RYR2: variants seen among roughly 807,000 people sequenced by gnomAD.
RYR2 encodes ryanodine receptor 2.
A neutral mutation model predicts 601.1 loss-of-function variants in RYR2; 227 were observed. That is an observed-to-expected ratio of 0.38 (90% CI 0.34 to 0.42). The LOEUF (loss-of-function observed/expected upper bound fraction) is 0.42. RYR2 is among the 10% of genes least tolerant of loss of function. The probability of loss-of-function intolerance (pLI) is 1.00; values close to 1 mark genes in which losing one functional copy is unlikely to be tolerated. For missense variants in RYR2, 4,646 were observed against 6,156.5 expected (o/e 0.75, Z 8.21); for synonymous variants, 2,223 against 2,175.1 (o/e 1.02, Z -0.61).
chr1:237,656,191 G>T (rs1683225990), intron 53 of RYR2, among the ~76,000 whole-genome samples: 1 of 151,902 alleles, frequency 6.6e-6, no homozygotes, highest in Non-Finnish European at 1.5e-5. Flanking sequence ...TACCTTCTAG[G>T]ATACTCTTAA....
At chr1:237,608,886 T>C (rs1677468423) in intron 35 of RYR2, among the ~76,000 whole-genome samples, 1 of 150,602 alleles carries the variant, frequency 6.6e-6, no homozygotes, top group Non-Finnish European at 1.5e-5. Flanking sequence ...ATCTATTGAC[T>C]ATTGACTTCT....
intron 1 of RYR2, among the ~76,000 whole-genome samples, chr1:237,212,207 AC>A (rs1459893901): frequency 6.6e-6 from 1 of 151,992 alleles, no homozygotes; most frequent in African/African-American, 2.4e-5. Flanking sequence ...AGACATAATT[AC>A]CCCCATGCTT....
chr1:237,226,249 G>A (rs539028205), intron 1 of RYR2, among the ~76,000 whole-genome samples: 38 of 152,232 alleles, frequency 2.5e-4, no homozygotes, highest in African/African-American at 8.2e-4. Context: ...GAGTTCATGC[G>A]AAATTGCTGC....
At chr1:237,422,266 A>G (rs1705674843) in intron 11 of RYR2, among the ~76,000 whole-genome samples, 1 of 152,224 alleles carries the variant, frequency 6.6e-6, no homozygotes, top group Non-Finnish European at 1.5e-5. Context: ...ATAATCGTAC[A>G]TACTTATGGG....
At position 237,273,869 on chromosome 1, in the gene RYR2, G is replaced by A. The variant is rs1689961178; in HGVS notation, c.168+3253G>A. 2.0e-5 allele frequency among the ~76,000 whole-genome samples: 3 copies of A among 147,142 alleles called. No individual in the cohort carries two copies. In the South Asian group the frequency reaches 6.3e-4, roughly 31 times the overall value. ...TATATTTATATATTGTATATTTTAT[G>A]AACATATGTATATTATAAATGATAT... On this transcript the variant is annotated intron_variant, in intron 2 of 104. Transcript: ENST00000366574.
rs1052508240 is a variant in RYR2, at chr1:237,112,916, A to G, written c.48+70347A>G. Among the ~76,000 whole-genome samples, 9 of 152,070 alleles carry G rather than the reference A, an allele frequency of 5.9e-5. No individual in the cohort carries two copies. The East Asian group carries it at 1.7e-3, about 29-fold the overall frequency. On this transcript the variant is annotated intron_variant, in intron 1 of 104. Transcript: ENST00000366574. Reference sequence around the variant, plus strand: ...CTCGGTTGTTTGCTTTTTTATCCCTAAGTGCCCTACCTTGCAGAGCCCTGG... The same window carrying G: ...CTCGGTTGTTTGCTTTTTTATCCCTGAGTGCCCTACCTTGCAGAGCCCTGG...
At chr1:237,170,151 G>T (rs1410261468) in intron 1 of RYR2, among the ~76,000 whole-genome samples, 1 of 152,244 alleles carries the variant, frequency 6.6e-6, no homozygotes, top group Non-Finnish European at 1.5e-5. Context: ...GTAATAGGAA[G>T]AGAGCAACAT....
chr1:237,077,366 G>A (rs1217835562), intron 1 of RYR2, among the ~76,000 whole-genome samples: 1 of 122,340 alleles, frequency 8.2e-6, no homozygotes, highest in Non-Finnish European at 1.8e-5. Context: ...TCAGTGTGCT[G>A]TATTCAGGAA....
At chr1:237,181,654 G>A (rs1175348525) in intron 1 of RYR2, among the ~76,000 whole-genome samples, 1 of 152,224 alleles carries the variant, frequency 6.6e-6, no homozygotes, top group Non-Finnish European at 1.5e-5. Context: ...CATAGGACAC[G>A]AAACCCATCA....
chr1:237,262,245 G>T (rs985615471), intron 1 of RYR2, among the ~76,000 whole-genome samples: 58 of 61,092 alleles, frequency 9.5e-4, no homozygotes, highest in South Asian at 4.5e-3. Flanking sequence ...GTTCTAAAGA[G>T]TTTTTTTTTT....
chr1:237,387,906 C>T (rs991678782), intron 9 of RYR2, among the ~76,000 whole-genome samples, 181 bp from the exon 10 acceptor site: 2 of 150,940 alleles, frequency 1.3e-5, no homozygotes, highest in African/African-American at 2.4e-5. Context: ...CTGTGGGACT[C>T]GGGCACCCAG....
chr1:237,793,152 C>T (rs1036759425), intron 94 of RYR2, among the ~76,000 whole-genome samples: 7 of 152,066 alleles, frequency 4.6e-5, no homozygotes, highest in South Asian at 2.1e-4. Context: ...TTGCAGAAGA[C>T]GTGTGAAAAA....
intron 1 of RYR2, among the ~76,000 whole-genome samples, chr1:237,175,593 C>T (rs534868649): frequency 6.6e-6 from 1 of 152,178 alleles, no homozygotes; most frequent in South Asian, 2.1e-4. Flanking sequence ...ATAACTGAAC[C>T]ATTGATGTGA....
At chr1:237,177,201 C>T (rs1269542502) in intron 1 of RYR2, among the ~76,000 whole-genome samples, 1 of 152,180 alleles carries the variant, frequency 6.6e-6, no homozygotes, top group East Asian at 1.9e-4. Context: ...ACTACACGAT[C>T]AAGTCAACTG....
chr1:237,626,256 A>G (rs1679632662), intron 40 of RYR2, among the ~76,000 whole-genome samples: 1 of 152,114 alleles, frequency 6.6e-6, no homozygotes, highest in South Asian at 2.1e-4. Flanking sequence ...ATCCTATTTC[A>G]GAATAATAAG....
At chr1:237,799,791 TTAAA>T (rs1404629923) in intron 97 of RYR2, among the ~76,000 whole-genome samples, 1 of 152,144 alleles carries the variant, frequency 6.6e-6, no homozygotes, top group Non-Finnish European at 1.5e-5. Context: ...ATGTGCACCT[TTAAA>T]TAAGTGGCCA....
chr1:237,650,460 TAGAAG>T (rs1329618655), intron 50 of RYR2, among the ~76,000 whole-genome samples: 4 of 152,338 alleles, frequency 2.6e-5, no homozygotes, highest in Non-Finnish European at 5.9e-5. Flanking sequence ...ACTCATCTTC[TAGAAG>T]AGAAAAGAAA....
In RYR2 at chr1:237,480,378, CAA is replaced by C. The variant is rs61271895; in HGVS notation, c.1708+11212_1708+11213del. 4.7e-3 allele frequency among the ~76,000 whole-genome samples: 272 copies of C among 57,672 alleles called. 1 individual carries two copies. The highest frequency in any genetic ancestry group is 0.012 in the African/African-American group (238 of 19,780). 37.8% of individuals were successfully genotyped at this position (57,672 alleles called of 152,430 possible). ...AGGCTGTAGTGAACCAAGATCATCT[CAA>C]AAAAAAAAAAAAAAAAAAAAGAATA... On this transcript the variant is annotated intron_variant, in intron 17 of 104. Coordinates refer to ENST00000366574, the MANE Select transcript of RYR2 (RefSeq NM_001035.3).
intron 20 of RYR2, among the ~76,000 whole-genome samples, chr1:237,497,209 T>C (rs1222350754): frequency 1.3e-5 from 2 of 152,152 alleles, no homozygotes; most frequent in Non-Finnish European, 2.9e-5. Context: ...TGTTAGATAA[T>C]GTAATGGTGG....
Sources: gnomAD v4.1 joint callset for allele counts (sites outside exome capture counted in the v4.1 genomes callset) on GRCh38, gnomAD v4.1.1 for gene constraint, MANE v1.5 for transcripts, NCBI Gene and HGNC (gene_info 2026-07-23, HGNC 2026-07-21) for gene names.